Variants in CELF1 observed in about 807,000 individuals in gnomAD.
CELF1 encodes CUGBP Elav-like family member 1.
CELF1 carries 10 observed loss-of-function variants against 61.8 expected under a neutral mutation model. The observed-to-expected ratio is 0.16, with a 90% CI of 0.10 to 0.27. The LOEUF (loss-of-function observed/expected upper bound fraction) is 0.27, where lower values mean the gene tolerates loss of function less well. Ranked by LOEUF, CELF1 falls within the 10% of genes least tolerant of loss-of-function variation. The pLI, the probability that CELF1 is intolerant of heterozygous loss-of-function variation, is 1.00. For synonymous variants in CELF1, 236 were observed against 225.1 expected (o/e 1.05, Z -0.43); for missense variants, 380 against 639.1 (o/e 0.59, Z 4.37).
chr11:47,495,830 G>A (rs559601843), intron 3 of CELF1: 7 of 241,030 alleles, frequency 2.9e-5, no homozygotes, highest in Middle Eastern at 4.2e-3. Context: ...ACCTTCAAAC[G>A]GGACCTGTTT....
chr11:47,491,662 C>T (rs766911930), intron 3 of CELF1, among the ~76,000 whole-genome samples: 58 of 152,302 alleles, frequency 3.8e-4, no homozygotes, highest in Admixed American at 7.8e-4. Context: ...TTTCCACCTT[C>T]GTTGTGGAAA....
chr11:47,484,018 C>T (rs1185551188), intron 7 of CELF1, among the ~76,000 whole-genome samples: 2 of 152,234 alleles, frequency 1.3e-5, no homozygotes, highest in Middle Eastern at 3.4e-3. Context: ...ATCACTGTTG[C>T]TAGTTTCCAC....
chr11:47,532,992 G>T (rs1284690420), intron 1 of CELF1, among the ~76,000 whole-genome samples: 1 of 152,100 alleles, frequency 6.6e-6, no homozygotes, highest in Non-Finnish European at 1.5e-5. Flanking sequence ...CCCAGTGACA[G>T]TTACACAGTG....
intron 1 of CELF1, among the ~76,000 whole-genome samples, chr11:47,504,951 CA>C (rs1388113991): frequency 1.3e-5 from 2 of 148,754 alleles, no homozygotes; most frequent in African/African-American, 2.5e-5. Flanking sequence ...ATCACTGTAC[CA>C]AAAAAGCACT....
intron 1 of CELF1, among the ~76,000 whole-genome samples, chr11:47,539,301 A>G (rs1381444671): frequency 6.6e-6 from 1 of 152,224 alleles, no homozygotes; most frequent in Non-Finnish European, 1.5e-5. Flanking sequence ...ATACTGAAGG[A>G]GTCAAGACCT....
At chr11:47,507,213 T>A (rs1195215677) in intron 1 of CELF1, among the ~76,000 whole-genome samples, 2 of 152,326 alleles carry the variant, frequency 1.3e-5, no homozygotes, top group Non-Finnish European at 2.9e-5. Flanking sequence ...TGAATTTCAG[T>A]ACATCTAGGT....
intron 1 of CELF1, among the ~76,000 whole-genome samples, chr11:47,551,014 T>C (rs989384215): frequency 4.8e-5 from 7 of 146,856 alleles, no homozygotes; most frequent in East Asian, 2.0e-4. Flanking sequence ...AAAGGGAAGA[T>C]TGCATTATTA....
rs2077076021 is a variant in CELF1 at position 47,468,711 on chromosome 11, AAAG to A, written c.*3516_*3518del. 1.3e-5 allele frequency: 2 copies of A among 152,568 alleles called. No individual in the cohort carries two copies. The highest frequency in any genetic ancestry group is 2.9e-5 in the Non-Finnish European group (2 of 68,012). The allele number at this position is 152,568 out of a possible 1,614,324, so 9.5% of individuals were successfully genotyped here. A position where few individuals can be genotyped will look rare whatever the true frequency, so the allele number is the denominator to read the frequency against. ...AAAAGGAAAAAAAAAGGAAAGAAAA[AAAG>A]AAAAAAAAACGAAGAAAGAAACAAA... On this transcript the variant is annotated 3_prime_UTR_variant, in exon 15 of 15. Coordinates refer to ENST00000687097, the MANE Select transcript of CELF1 (RefSeq NM_001376376.1).
chr11:47,510,043 C>T (rs1256658278), intron 1 of CELF1, among the ~76,000 whole-genome samples: 1 of 151,002 alleles, frequency 6.6e-6, no homozygotes, highest in Non-Finnish European at 1.5e-5. Flanking sequence ...GCCTGGGCAA[C>T]AGGGTGAGAT....
upstream of CELF1, among the ~76,000 whole-genome samples, chr11:47,553,814 A>T (rs1294403629): frequency 5.9e-4 from 70 of 118,512 alleles, no homozygotes; most frequent in Middle Eastern, 5.0e-3. Flanking sequence ...AAATATATAT[A>T]TATATTTTTT....
rs565452731 is a variant in CELF1 at position 47,489,119 on chromosome 11, G to A, written c.72-95C>T. On this transcript the variant is annotated intron_variant, in intron 3 of 14. Transcript: ENST00000687097. ...AATGATCTTAACTAGTTCTGAGAAC[G>A]TAAGGGAAAAAAAATCTACTTCTTT... The A allele has an allele frequency of 2.4e-4, 254 of 1,064,754 alleles. 3 individuals are homozygous for A. In the South Asian group the frequency reaches 3.8e-3, roughly 16 times the overall value. 66.0% of individuals were successfully genotyped at this position (1,064,754 alleles called of 1,614,324 possible).
intron 9 of CELF1, among the ~76,000 whole-genome samples, chr11:47,482,115 A>C (rs773071364): frequency 3.9e-5 from 6 of 152,170 alleles, no homozygotes; most frequent in Non-Finnish European, 7.3e-5. Context: ...AGGCAGGAGA[A>C]TCACTTGAAC....
chr11:47,549,809 G>C (rs933620448), intron 1 of CELF1, among the ~76,000 whole-genome samples: 15 of 144,250 alleles, frequency 1.0e-4, no homozygotes, highest in African/African-American at 3.7e-4. Flanking sequence ...TAAATGTTGT[G>C]GGTTTTTTTT....
At chr11:47,473,044 T>C in intron 14 of CELF1, 44 bp downstream of exon 14, 1 of 1,593,616 alleles carries the variant, frequency 6.3e-7, no homozygotes, top group Non-Finnish European at 8.5e-7. Flanking sequence ...TTCTCAGTGG[T>C]AAAATACTAA....
At chr11:47,509,939 G>A (rs947078918) in intron 1 of CELF1, among the ~76,000 whole-genome samples, 2 of 150,582 alleles carry the variant, frequency 1.3e-5, no homozygotes, top group African/African-American at 4.9e-5. Context: ...GCGTGCACCT[G>A]TAATCCCAGC....
chr11:47,553,817 TA>T (rs367624104), upstream of CELF1, among the ~76,000 whole-genome samples: 685 of 103,086 alleles, frequency 6.6e-3, 6 homozygotes, highest in East Asian at 0.026. Context: ...TATATATATA[TA>T]TTTTTTTTTC....
chr11:47,561,517 CAGA>C (rs1330508884), intron 2 of CELF1, among the ~76,000 whole-genome samples: 3 of 146,584 alleles, frequency 2.0e-5, no homozygotes, highest in African/African-American at 7.6e-5. Flanking sequence ...TAATGAAAGA[CAGA>C]TAATAAGTGT....
chr11:47,481,607 C>G (rs965750979), intron 9 of CELF1, among the ~76,000 whole-genome samples: 3 of 152,038 alleles, frequency 2.0e-5, no homozygotes, highest in Non-Finnish European at 4.4e-5. Context: ...TTTGTATCAT[C>G]CATACAAATC....
chr11:47,481,257 A>C (rs867218011), intron 9 of CELF1, among the ~76,000 whole-genome samples: 1 of 151,734 alleles, frequency 6.6e-6, no homozygotes, highest in Admixed American at 6.6e-5. Flanking sequence ...CTTCCCGAGC[A>C]GCTGGGATTA....
Sources: allele counts gnomAD v4.1 joint callset (sites outside exome capture counted in the v4.1 genomes callset), GRCh38; gene constraint gnomAD v4.1.1; transcripts MANE v1.5; gene names NCBI Gene and HGNC (gene_info 2026-07-23, HGNC 2026-07-21).